The following NBAS variants were observed in gnomAD, a reference collection of about 807,000 sequenced individuals.
NBAS encodes NAG/BC035112 fusion.
NBAS carries 219 observed loss-of-function variants against 302.5 expected under a neutral mutation model. The ratio of observed to expected loss-of-function variants is 0.72; its 90% confidence interval spans 0.65 to 0.81. The LOEUF (loss-of-function observed/expected upper bound fraction) is 0.81. Ranked by LOEUF, NBAS falls within the 30% of genes least tolerant of loss-of-function variation. The pLI is 0.00. For synonymous variants in NBAS, 1,118 were observed against 1,021.6 expected (o/e 1.09, Z -1.80); for missense variants, 2,932 against 2,841.6 (o/e 1.03, Z -0.72).
the NBAS span, among the ~76,000 whole-genome samples, chr2:15,106,446 T>C: frequency 1.4e-5 from 1 of 69,370 alleles, no homozygotes; most frequent in Non-Finnish European, 3.3e-5. Context: ...TCTATCTCTG[T>C]CTCTGTCTCT....
chr2:15,474,218 G>A lies in NBAS; in HGVS notation c.1448C>T (p.Ala483Val), dbSNP rs200381778. The stretch of plus-strand genomic sequence containing the variant: ...CTGTTTTATATAACCAAAGTAGCGA[G>A]CCTTGGCAGATATTTCATAATCAGA... ...SDSDYEISAK[A>V]RYFGYIKQGL... is the part of the protein sequence containing the mutation. Residue 483 changes from alanine to valine, a missense_variant, in exon 15 of 52, where the codon GCT becomes GTT. Coordinates refer to ENST00000281513, the MANE Select transcript of NBAS (RefSeq NM_015909.4). 2.7e-5 allele frequency: 44 copies of A among 1,613,974 alleles called. No homozygotes were observed. The highest frequency in any genetic ancestry group is 3.6e-5 in the Non-Finnish European group (43 of 1,180,022).
At chr2:14,865,338 G>A in the NBAS span, among the ~76,000 whole-genome samples, 1 of 152,138 alleles carries the variant, frequency 6.6e-6, no homozygotes, top group Non-Finnish European at 1.5e-5. Context: ...GGAAGCAGGT[G>A]GGGGTGGGGA....
At chr2:14,820,175 A>G in the NBAS span, among the ~76,000 whole-genome samples, 2 of 152,242 alleles carry the variant, frequency 1.3e-5, no homozygotes, top group Non-Finnish European at 2.9e-5. Context: ...TGTACCCAAA[A>G]GAAAGGAAAT....
the NBAS span, among the ~76,000 whole-genome samples, chr2:15,094,276 C>T: frequency 6.6e-6 from 1 of 152,186 alleles, no homozygotes; most frequent in Non-Finnish European, 1.5e-5. Flanking sequence ...AATGCATCTT[C>T]TCCTCCATCT....
At chr2:14,802,684 A>T in the NBAS span, among the ~76,000 whole-genome samples, 1 of 150,274 alleles carries the variant, frequency 6.7e-6, no homozygotes, top group East Asian at 1.9e-4. Flanking sequence ...TGTGGCACAT[A>T]TATACCATGG....
At chr2:15,321,485 C>T (rs545171534) in intron 38 of NBAS, among the ~76,000 whole-genome samples, 6 of 152,140 alleles carry the variant, frequency 3.9e-5, no homozygotes, top group Non-Finnish European at 8.8e-5. Flanking sequence ...AAAATTTTTG[C>T]AATCTACCCA....
intron 25 of NBAS, among the ~76,000 whole-genome samples, chr2:15,413,045 T>C (rs942608305): frequency 2.0e-5 from 3 of 152,152 alleles, no homozygotes; most frequent in East Asian, 1.9e-4. Context: ...GCCAATAAGA[T>C]TGCTTTTCAA....
chr2:14,839,612 T>C, the NBAS span, among the ~76,000 whole-genome samples: 2 of 152,054 alleles, frequency 1.3e-5, no homozygotes, highest in African/African-American at 4.8e-5. Context: ...CACCTTTCCA[T>C]TCCATCAGGA....
intron 44 of NBAS, among the ~76,000 whole-genome samples, chr2:15,269,914 A>C (rs1370616583): frequency 6.6e-6 from 1 of 152,178 alleles, no homozygotes; most frequent in Non-Finnish European, 1.5e-5. Flanking sequence ...GGCTATTAAA[A>C]TATCTCTCCC....
the NBAS span, among the ~76,000 whole-genome samples, chr2:15,098,402 TTATATA>T: frequency 1.0e-5 from 1 of 95,366 alleles, no homozygotes; most frequent in Non-Finnish European, 1.8e-5. Context: ...ATATTATATA[TTATATA>T]TGATATATTG....
intron 50 of NBAS, 111 bp from the exon 51 acceptor site, chr2:15,179,227 G>T: frequency 6.9e-7 from 1 of 1,456,810 alleles, no homozygotes; most frequent in Non-Finnish European, 9.5e-7. Flanking sequence ...GTGTGTGTGT[G>T]TAAAGCCACA....
chr2:15,364,989 T>C (rs1056715095), intron 32 of NBAS, among the ~76,000 whole-genome samples: 17 of 152,190 alleles, frequency 1.1e-4, no homozygotes, highest in Non-Finnish European at 1.9e-4. Flanking sequence ...CCTTTCTTAA[T>C]TCCCCAGGCA....
the NBAS span, among the ~76,000 whole-genome samples, chr2:15,034,028 AGGAGGAGGAAGG>A: frequency 2.1e-3 from 59 of 27,736 alleles, no homozygotes; most frequent in East Asian, 0.041. Flanking sequence ...GAAGAAGAAG[AGGAGGAGGAAGG>A]AGGAGGAGGA....
At chr2:15,128,959 G>A in the NBAS span, among the ~76,000 whole-genome samples, 3 of 152,234 alleles carry the variant, frequency 2.0e-5, no homozygotes, top group African/African-American at 7.2e-5. Context: ...TGTGGAGATA[G>A]AGGGAAAGGG....
chr2:14,922,815 G>A, the NBAS span, among the ~76,000 whole-genome samples: 2 of 152,146 alleles, frequency 1.3e-5, no homozygotes, highest in Admixed American at 6.6e-5. Flanking sequence ...ATCAATTATA[G>A]CCAAGTTGGC....
chr2:15,502,760 TGTA>T (rs1224855598), intron 11 of NBAS, among the ~76,000 whole-genome samples: 2 of 152,242 alleles, frequency 1.3e-5, no homozygotes, highest in Non-Finnish European at 2.9e-5. Context: ...TGCACATTAC[TGTA>T]GACTTTAGAA....
intron 21 of NBAS, among the ~76,000 whole-genome samples, chr2:15,442,792 T>C (rs1369568743): frequency 6.6e-6 from 1 of 151,302 alleles, no homozygotes; most frequent in Non-Finnish European, 1.5e-5. Flanking sequence ...AAGAATCAAA[T>C]AGACGCAATA....
the NBAS span, among the ~76,000 whole-genome samples, chr2:14,822,065 G>T: frequency 0.027 from 4,078 of 151,936 alleles, 83 homozygotes; most frequent in Non-Finnish European, 0.043. Context: ...CATCCAAAAT[G>T]ACACCCAAAA....
chr2:15,532,841 T>G (rs935357578), intron 9 of NBAS, among the ~76,000 whole-genome samples: 12 of 151,844 alleles, frequency 7.9e-5, no homozygotes, highest in Non-Finnish European at 1.8e-4. Flanking sequence ...AAGAAAAAAT[T>G]TTTAAGAAAA....
Sources: gnomAD v4.1 joint callset for allele counts (sites outside exome capture counted in the v4.1 genomes callset) on GRCh38, gnomAD v4.1.1 for gene constraint, MANE v1.5 for transcripts, NCBI Gene and HGNC (gene_info 2026-07-23, HGNC 2026-07-21) for gene names.